Variants in RPN2 observed in about 807,000 individuals in gnomAD.
RPN2 encodes ribophorin II.
A neutral mutation model predicts 71.4 loss-of-function variants in RPN2; 29 were observed. That is an observed-to-expected ratio of 0.41 (90% CI 0.30 to 0.55). The LOEUF is 0.55. Ranked by LOEUF, RPN2 falls within the 20% of genes least tolerant of loss-of-function variation. The probability of loss-of-function intolerance (pLI) is 0.35; values close to 1 mark genes in which losing one functional copy is unlikely to be tolerated. For synonymous variants in RPN2, 308 were observed against 305.0 expected (o/e 1.01, Z -0.10); for missense variants, 726 against 774.1 (o/e 0.94, Z 0.74).
rs367655097 is a variant in RPN2, at chr20:37,207,446, G to T, written c.864G>T (p.Leu288Phe). 2 of 1,614,080 alleles carry T rather than the reference G, an allele frequency of 1.2e-6. No homozygotes were observed. The highest frequency in any genetic ancestry group is 1.7e-5 in the Admixed American group (1 of 60,028). ...CCGACACTCATGAACAGGCTATCTT[G>T]CGGGTAAGACATCCATGCCCAAAGT... ...SASDTHEQAILRLQVTNVLSQ... is the reference protein window; with the variant it reads ...SASDTHEQAIFRLQVTNVLSQ... Residue 288 changes from leucine to phenylalanine, a missense_variant, in exon 7 of 17, where the codon TTG (leucine) becomes TTT (phenylalanine). Transcript: ENST00000237530.
rs890146574 is a variant in RPN2 at position 37,200,513 on chromosome 20, C to T, written c.479+1288C>T. The T allele has an allele frequency of 5.7e-6, 3 of 530,866 alleles. No individual in the cohort carries two copies. The African/African-American group carries it at 5.8e-5, about 10-fold the overall frequency. 32.9% of individuals were successfully genotyped at this position (530,866 alleles called of 1,614,324 possible). On this transcript the variant is annotated intron_variant, in intron 4 of 16. Transcript: ENST00000237530. ...GCAAGAGGTTGGTGATACCAAATCC[C>T]CCTTTCAAAACAGTGAGATTGTTTC...
rs79425467 is a variant in RPN2 at position 37,224,035 on chromosome 20, G to A, written c.1184+66G>A. 888 of 1,361,280 alleles carry A rather than the reference G, an allele frequency of 6.5e-4. 7 individuals are homozygous for A. The East Asian group carries it at 0.018, about 28-fold the overall frequency. The allele number at this position is 1,361,280 out of a possible 1,614,324, so 84.3% of individuals were successfully genotyped here. ...CAAGAGCTGAGAGGAGTATGCCTAG[G>A]CACTGAGCCCTGCAGGCATCAGTTC... is the stretch of plus-strand genomic sequence containing the variant. On this transcript the variant is annotated intron_variant, in intron 10 of 16. Coordinates refer to ENST00000237530, the MANE Select transcript of RPN2 (RefSeq NM_002951.5).
intron 2 of RPN2, among the ~76,000 whole-genome samples, chr20:37,185,748 T>A (rs1429761457): frequency 6.6e-6 from 1 of 152,192 alleles, no homozygotes; most frequent in African/African-American, 2.4e-5. Flanking sequence ...CTGTCTCAGC[T>A]TCCTGAGTAC....
intron 6 of RPN2, 70 bp from the exon 7 acceptor site, chr20:37,207,203 C>A: frequency 7.8e-7 from 1 of 1,279,268 alleles, no homozygotes; most frequent in Admixed American, 1.7e-5. Context: ...GGTGACTTTC[C>A]TCTACAGCAG....
At chr20:37,212,916 C>T (rs6032077) in intron 8 of RPN2, among the ~76,000 whole-genome samples, 225 of 152,058 alleles carry the variant, frequency 1.5e-3, no homozygotes, top group African/African-American at 5.2e-3. Context: ...CATTTTTAGG[C>T]GTGTCAATGG....
intron 1 of RPN2, among the ~76,000 whole-genome samples, chr20:37,181,443 T>C (rs1466344294): frequency 1.3e-5 from 2 of 150,308 alleles, no homozygotes; most frequent in African/African-American, 2.4e-5. Flanking sequence ...TTTTTTTTTT[T>C]TTTTTTGAGA....
intron 12 of RPN2, among the ~76,000 whole-genome samples, chr20:37,229,543 T>G (rs546785164): frequency 6.6e-6 from 1 of 152,308 alleles, no homozygotes; most frequent in South Asian, 2.1e-4. Context: ...AGCTGCGTTT[T>G]CTCGTGTGGT....
intron 9 of RPN2, among the ~76,000 whole-genome samples, chr20:37,218,337 CA>C (rs71187920): frequency 0.76 from 114,814 of 151,284 alleles, 44,014 homozygotes; most frequent in Middle Eastern, 0.89. Flanking sequence ...CCCTTGAGCC[CA>C]GGAGTTTGAG....
intron 15 of RPN2, among the ~76,000 whole-genome samples, chr20:37,234,633 A>G (rs1170089310): frequency 6.6e-6 from 1 of 151,408 alleles, no homozygotes; most frequent in Non-Finnish European, 1.5e-5. Flanking sequence ...TTTTGATGCT[A>G]TTGGATCAGG....
intron 9 of RPN2, among the ~76,000 whole-genome samples, chr20:37,218,562 A>C (rs899076825): frequency 1.3e-5 from 2 of 152,096 alleles, no homozygotes; most frequent in South Asian, 2.1e-4. Flanking sequence ...AAAAACAAAA[A>C]AAACAAAACT....
chr20:37,187,991 A>G (rs942141947), intron 2 of RPN2, among the ~76,000 whole-genome samples: 2 of 151,926 alleles, frequency 1.3e-5, no homozygotes, highest in African/African-American at 4.8e-5. Context: ...TTGACTGTTC[A>G]GATCTAATTT....
chr20:37,232,032 G>A (rs1015048861), intron 13 of RPN2, among the ~76,000 whole-genome samples: 10 of 152,150 alleles, frequency 6.6e-5, no homozygotes, highest in African/African-American at 2.4e-4. Context: ...CCTCTGAATG[G>A]CAGTGAGTCT....
chr20:37,235,037 A>G (rs926850018), intron 15 of RPN2, among the ~76,000 whole-genome samples: 1 of 152,154 alleles, frequency 6.6e-6, no homozygotes, highest in African/African-American at 2.4e-5. Flanking sequence ...CTGTGCGCCC[A>G]TAGTAAACAG....
intron 11 of RPN2, among the ~76,000 whole-genome samples, chr20:37,228,299 C>T (rs927485309): frequency 2.6e-5 from 4 of 152,164 alleles, no homozygotes; most frequent in Admixed American, 6.5e-5. Context: ...GGCAGTCAGC[C>T]TCCAACTAGT....
At chr20:37,191,540 G>A (rs1272649228) in intron 2 of RPN2, among the ~76,000 whole-genome samples, 1 of 151,930 alleles carries the variant, frequency 6.6e-6, no homozygotes, top group Non-Finnish European at 1.5e-5. Flanking sequence ...TGCCGAGGCA[G>A]GCGGATCACG....
chr20:37,229,899 CAG>C lies in RPN2; in HGVS notation c.1495-70_1495-69del, dbSNP rs541975124. 2,513 of 1,128,294 alleles carry C rather than the reference CAG, an allele frequency of 2.2e-3. 64 individuals are homozygous for C. In the Admixed American group the frequency reaches 0.036, roughly 16 times the overall value. The allele number at this position is 1,128,294 out of a possible 1,614,324, so 69.9% of individuals were successfully genotyped here. Reference sequence around the variant, plus strand: ...TTCAGTTATGGTCTTAGATGTGAGTCAGAGAATATTATCTATTGAGTTTCACC... The same window carrying C: ...TTCAGTTATGGTCTTAGATGTGAGTCAGAATATTATCTATTGAGTTTCACC... On this transcript the variant is annotated intron_variant, in intron 12 of 16. Transcript: ENST00000237530.
At chr20:37,241,276 T>A in intron 16 of RPN2, 27 bp from the exon 17 acceptor site, 1 of 1,612,000 alleles carries the variant, frequency 6.2e-7, no homozygotes, top group African/African-American at 1.3e-5. Flanking sequence ...CTTCAGTAAT[T>A]CTGTGTTTGT....
At position 37,236,704 on chromosome 20, in the gene RPN2, CAA is replaced by C; in HGVS notation, c.1879_1880del (p.Lys627GlufsTer14). The C allele has an allele frequency of 1.2e-6, 2 of 1,614,020 alleles. No homozygotes were observed. Among genetic ancestry groups the C allele is most frequent in the Non-Finnish European group, 1.7e-6 (2 of 1,179,918 alleles). ...GNRMLAQQAVKRTAH is the reference protein window; with the variant it reads ...GNRMLAQQAVXRTAH ...ATCGGATGCTGGCCCAGCAGGCAGT[CAA>C]GAGGTAAGGCCAGACATGAGCCAGG... On this transcript the variant is annotated frameshift_variant, in exon 16 of 17. Transcript: ENST00000237530. LOFTEE classifies it high-confidence loss of function.
intron 9 of RPN2, among the ~76,000 whole-genome samples, chr20:37,218,847 T>TTAG (rs1401786614): frequency 6.6e-6 from 1 of 152,238 alleles, no homozygotes; most frequent in African/African-American, 2.4e-5. Flanking sequence ...GTAGCATGTA[T>TTAG]TAGTACTTTA....
Sources: gnomAD v4.1 joint callset for allele counts (sites outside exome capture counted in the v4.1 genomes callset) on GRCh38, gnomAD v4.1.1 for gene constraint, MANE v1.5 for transcripts, NCBI Gene and HGNC (gene_info 2026-07-23, HGNC 2026-07-21) for gene names.